Variants in CEP112 observed in about 807,000 individuals in gnomAD.
The protein encoded by CEP112 is centrosomal protein of 112 kDa.
A neutral mutation model predicts 153.0 loss-of-function variants in CEP112; 127 were observed. The ratio of observed to expected loss-of-function variants is 0.83; its 90% CI spans 0.72 to 0.96. CEP112 has a LOEUF of 0.96. Ranked by LOEUF, CEP112 falls within the 40% of genes least tolerant of loss-of-function variation. The probability of loss-of-function intolerance (pLI) is 0.00; values close to 1 mark genes in which losing one functional copy is unlikely to be tolerated. For synonymous variants in CEP112, 358 were observed against 374.4 expected, an observed-to-expected ratio of 0.96 and a Z score of 0.51; for missense variants, 1,089 against 1,101.2, an observed-to-expected ratio of 0.99 and a Z score of 0.16.
At chr17:65,773,746 C>T (rs989416352) in intron 21 of CEP112, among the ~76,000 whole-genome samples, 1 of 152,120 alleles carries the variant, frequency 6.6e-6, no homozygotes, top group African/African-American at 2.4e-5. Flanking sequence ...CTCAGCCCTG[C>T]CCAGCTTGTC....
At chr17:65,983,040 G>C (rs987139041) in intron 17 of CEP112, among the ~76,000 whole-genome samples, 6 of 152,190 alleles carry the variant, frequency 3.9e-5, no homozygotes, top group African/African-American at 1.4e-4. Flanking sequence ...AAAGCAGAAT[G>C]GTGGTTAGGA....
At chr17:65,890,335 A>C (rs11079593) in intron 20 of CEP112, among the ~76,000 whole-genome samples, 2,539 of 152,296 alleles carry the variant, frequency 0.017, 81 homozygotes, top group African/African-American at 0.058. Flanking sequence ...CGTGTTCTTC[A>C]TATATTAATC....
intron 23 of CEP112, among the ~76,000 whole-genome samples, chr17:65,735,525 A>G (rs961436208): frequency 1.3e-5 from 2 of 152,122 alleles, no homozygotes; most frequent in African/African-American, 4.8e-5. Context: ...ATGTAAGTAG[A>G]AAATATCGTT....
At chr17:66,083,955 A>T (rs2067822861) in intron 8 of CEP112, among the ~76,000 whole-genome samples, 1 of 152,226 alleles carries the variant, frequency 6.6e-6, no homozygotes, top group South Asian at 2.1e-4. Flanking sequence ...GAAAAATAAA[A>T]TTTTTAAATA....
At chr17:66,040,356 C>T (rs1598199329) in intron 12 of CEP112, among the ~76,000 whole-genome samples, 1 of 151,882 alleles carries the variant, frequency 6.6e-6, no homozygotes, top group Admixed American at 6.6e-5. Context: ...TTGTGGGCTG[C>T]CTATTCAAAT....
intron 21 of CEP112, among the ~76,000 whole-genome samples, chr17:65,783,908 TG>T (rs1254250530): frequency 6.6e-6 from 1 of 152,226 alleles, no homozygotes; most frequent in African/African-American, 2.4e-5. Flanking sequence ...GTTAACAGCA[TG>T]GGCTATGAAG....
chr17:65,750,547 C>A, intron 22 of CEP112, 115 bp downstream of exon 22: 2 of 781,926 alleles, frequency 2.6e-6, no homozygotes, highest in Non-Finnish European at 4.3e-6. Context: ...TGATACCATT[C>A]CACAAAAAAA....
At chr17:65,689,302 G>A in intron 23 of CEP112, 84 bp from the exon 24 acceptor site, 1 of 899,516 alleles carries the variant, frequency 1.1e-6, no homozygotes, top group Non-Finnish European at 1.8e-6. Flanking sequence ...CACTAAAAAG[G>A]CCTCAGATCT....
rs1424406847 is a variant in CEP112, at chr17:65,697,563, G to A, written c.2608-8345C>T. On this transcript the variant is annotated intron_variant, in intron 23 of 26. Transcript: ENST00000535342. ...TTTTTTTTTTAATCATATTGTAAAC[G>A]ACTAGGACAAAGCAAGAGGATCAAG... Among the ~76,000 whole-genome samples, 6 of 151,584 alleles carry A rather than the reference G, an allele frequency of 4.0e-5. No individual in the cohort carries two copies. The South Asian group carries it at 6.3e-4, about 16-fold the overall frequency.
intron 24 of CEP112, among the ~76,000 whole-genome samples, chr17:65,668,068 C>T (rs2046788771): frequency 6.6e-6 from 1 of 151,904 alleles, no homozygotes; most frequent in Non-Finnish European, 1.5e-5. Context: ...GGATAATTTT[C>T]GTATTTTTAG....
chr17:65,736,670 G>A (rs1042273507), intron 23 of CEP112, among the ~76,000 whole-genome samples: 4 of 152,294 alleles, frequency 2.6e-5, no homozygotes, highest in African/African-American at 9.6e-5. Flanking sequence ...TAGAGCTAAG[G>A]AAGTTTTTAG....
intron 11 of CEP112, among the ~76,000 whole-genome samples, chr17:66,054,966 C>T (rs1199744474): frequency 3.3e-5 from 5 of 152,102 alleles, no homozygotes; most frequent in African/African-American, 1.2e-4. Flanking sequence ...CCATGTTGGT[C>T]AGCTTGGTCT....
intron 18 of CEP112, among the ~76,000 whole-genome samples, chr17:65,929,569 T>C (rs944925759): frequency 3.9e-5 from 6 of 152,236 alleles, no homozygotes; most frequent in African/African-American, 1.4e-4. Flanking sequence ...CCTGCTTAGC[T>C]ACCCTTTTGT....
intron 24 of CEP112, among the ~76,000 whole-genome samples, chr17:65,648,983 G>A (rs543962702): frequency 6.6e-6 from 1 of 152,134 alleles, no homozygotes; most frequent in South Asian, 2.1e-4. Flanking sequence ...GCCAGGACGT[G>A]GAGGTTGCAG....
intron 6 of CEP112, among the ~76,000 whole-genome samples, chr17:66,099,322 G>A (rs1338739831): frequency 6.6e-6 from 1 of 151,980 alleles, no homozygotes; most frequent in Non-Finnish European, 1.5e-5. Flanking sequence ...TGGCCAACAT[G>A]GTGAAACCCC....
chr17:65,675,567 G>C (rs779921718), intron 24 of CEP112, among the ~76,000 whole-genome samples: 21 of 152,018 alleles, frequency 1.4e-4, no homozygotes, highest in Admixed American at 2.6e-4. Context: ...AGAAAACAGA[G>C]ACAGAATAAT....
At chr17:66,163,064 T>C (rs753900096) in intron 4 of CEP112, among the ~76,000 whole-genome samples, 3 of 152,114 alleles carry the variant, frequency 2.0e-5, no homozygotes, top group Non-Finnish European at 4.4e-5. Context: ...AATAACTGAT[T>C]AACACAAAAT....
intron 21 of CEP112, among the ~76,000 whole-genome samples, chr17:65,822,489 C>G (rs967710736): frequency 6.6e-6 from 1 of 152,084 alleles, no homozygotes; most frequent in African/African-American, 2.4e-5. Flanking sequence ...GGTTGTTATA[C>G]TGTATTGTTT....
chr17:65,688,773 G>GTT, intron 24 of CEP112: 9 of 160,812 alleles, frequency 5.6e-5, no homozygotes, highest in South Asian at 1.9e-4. Context: ...GTGTAAACTT[G>GTT]TTTTTTTTTT....
Sources: allele counts gnomAD v4.1 joint callset (sites outside exome capture counted in the v4.1 genomes callset), GRCh38; gene constraint gnomAD v4.1.1; transcripts MANE v1.5; gene names NCBI Gene and HGNC (gene_info 2026-07-23, HGNC 2026-07-21).